The following ALK variants were observed in gnomAD, a reference collection of about 807,000 sequenced individuals.
The protein encoded by ALK is ALK tyrosine kinase receptor.
Under a neutral mutation model 163.1 loss-of-function variants are expected in ALK, and 74 were observed. That is an observed-to-expected ratio of 0.45 (90% CI 0.38 to 0.55). ALK has a LOEUF of 0.55. Among genes scored for constraint, ALK ranks in the 20% least tolerant of loss-of-function variants. The probability of loss-of-function intolerance (pLI) is 0.00; values close to 1 mark genes in which losing one functional copy is unlikely to be tolerated. For synonymous variants in ALK, 960 were observed against 843.2 expected, an observed-to-expected ratio of 1.14 and a Z score of -2.40; for missense variants, 2,063 against 2,105.3, an observed-to-expected ratio of 0.98 and a Z score of 0.39.
chr2:29,578,878 C>G (rs1325033489), intron 3 of ALK, among the ~76,000 whole-genome samples: 1 of 152,216 alleles, frequency 6.6e-6, no homozygotes, highest in African/African-American at 2.4e-5. Flanking sequence ...CTCTTCTCCC[C>G]ACCCCTGGAC....
In ALK at chr2:29,312,723, G is replaced by A. The variant is rs77324066; in HGVS notation, c.1647+5581C>T. 9.7e-3 allele frequency among the ~76,000 whole-genome samples: 1,480 copies of A among 152,296 alleles called. 28 individuals carry two copies. The highest frequency in any genetic ancestry group is 0.033 in the African/African-American group (1,350 of 41,534). ...CATATGCTAGCTTGGGGTCCTGACC[G>A]TGGTCTCCAATGCAGGAAGAGGCGT... On this transcript the variant is annotated intron_variant, in intron 8 of 28. Transcript: ENST00000389048.
intron 3 of ALK, among the ~76,000 whole-genome samples, chr2:29,533,612 A>G (rs932316100): frequency 2.6e-5 from 4 of 152,216 alleles, no homozygotes; most frequent in Non-Finnish European, 5.9e-5. Context: ...TGAGAGGCAC[A>G]TGGACACCAG....
At chr2:29,317,782 T>C (rs1334898694) in intron 8 of ALK, among the ~76,000 whole-genome samples, 1 of 150,172 alleles carries the variant, frequency 6.7e-6, no homozygotes, top group Admixed American at 6.7e-5. Context: ...CTAAAGAATA[T>C]GACTGTATGC....
intron 4 of ALK, among the ~76,000 whole-genome samples, chr2:29,483,656 C>T (rs1332629165): frequency 2.0e-5 from 3 of 152,158 alleles, no homozygotes; most frequent in Admixed American, 6.5e-5. Context: ...CATACCCAAC[C>T]TGGCTTTATC....
intron 1 of ALK, among the ~76,000 whole-genome samples, chr2:29,810,240 G>A (rs554643486): frequency 3.9e-5 from 6 of 152,160 alleles, no homozygotes; most frequent in African/African-American, 1.4e-4. Context: ...TGGCCAACAG[G>A]GTGATACGCC....
At chr2:29,841,121 G>C (rs1665687036) in intron 1 of ALK, among the ~76,000 whole-genome samples, 1 of 151,978 alleles carries the variant, frequency 6.6e-6, no homozygotes, top group African/African-American at 2.4e-5. Context: ...GTTTCTATCA[G>C]TTATAGTAAC....
At position 29,881,360 on chromosome 2, in the gene ALK, A is replaced by G. The variant is rs1277744269; in HGVS notation, c.667+38633T>C. ...CTATAATTAAAACCAGGCTATTATC[A>G]TTAATTATGATCTTCCCTCTTCTGA... On this transcript the variant is annotated intron_variant, in intron 1 of 28. Coordinates refer to ENST00000389048, the MANE Select transcript of ALK (RefSeq NM_004304.5). Among the ~76,000 whole-genome samples the G allele has an allele frequency of 2.6e-5, 4 of 152,186 alleles. No individual in the cohort carries two copies. The East Asian group carries it at 5.8e-4, about 22-fold the overall frequency.
intron 4 of ALK, among the ~76,000 whole-genome samples, chr2:29,406,898 CAAAA>C (rs11397203): frequency 7.5e-6 from 1 of 133,494 alleles, no homozygotes; most frequent in Non-Finnish European, 1.6e-5. Flanking sequence ...GACTCCATCT[CAAAA>C]AAAAAAAAAA....
rs1035096320 is a variant in ALK, at chr2:29,580,162, GA to G, written c.953-48047del. Among the ~76,000 whole-genome samples, 9 of 151,852 alleles carry G rather than the reference GA, an allele frequency of 5.9e-5. 1 individual carries two copies. Among genetic ancestry groups the G allele is most frequent in the African/African-American group, 2.2e-4 (9 of 41,386 alleles). On this transcript the variant is annotated intron_variant, in intron 3 of 28. Transcript: ENST00000389048. ...ACATGATTCTTATATTAAGCCACAG[GA>G]AAAAAAATCCAATTTGTTTTTTATG...
intron 1 of ALK, among the ~76,000 whole-genome samples, chr2:29,868,754 C>A (rs749509032): frequency 2.0e-4 from 30 of 152,210 alleles, no homozygotes; most frequent in Non-Finnish European, 2.4e-4. Flanking sequence ...TGTAATGGGA[C>A]TTTGACATTC....
intron 1 of ALK, among the ~76,000 whole-genome samples, chr2:29,906,000 G>C (rs570467948): frequency 3.9e-4 from 59 of 152,288 alleles, no homozygotes; most frequent in Non-Finnish European, 6.8e-4. Context: ...CCTGCCTGCA[G>C]TTCTGCCCAT....
At chr2:29,726,402 A>G (rs1244113160) in intron 1 of ALK, among the ~76,000 whole-genome samples, 3 of 152,218 alleles carry the variant, frequency 2.0e-5, no homozygotes, top group African/African-American at 7.2e-5. Context: ...CTAAATAATT[A>G]ATATACTGAA....
intron 8 of ALK, among the ~76,000 whole-genome samples, chr2:29,315,180 A>C (rs555911792): frequency 6.6e-6 from 1 of 152,276 alleles, no homozygotes; most frequent in Admixed American, 6.5e-5. Context: ...AGAGGTCTTT[A>C]AATATTCATG....
intron 4 of ALK, among the ~76,000 whole-genome samples, chr2:29,475,946 G>A (rs1175633796): frequency 1.3e-5 from 2 of 152,232 alleles, no homozygotes; most frequent in Non-Finnish European, 1.5e-5. Context: ...CAACTGCAAT[G>A]AAGTGAAAGT....
chr2:29,267,943 A>G (rs949207214), intron 11 of ALK, among the ~76,000 whole-genome samples: 2 of 152,178 alleles, frequency 1.3e-5, no homozygotes, highest in African/African-American at 4.8e-5. Context: ...AAGCTAAATG[A>G]TCTTAATCAA....
At chr2:29,915,952 C>T (rs1667822446) in intron 1 of ALK, among the ~76,000 whole-genome samples, 1 of 152,208 alleles carries the variant, frequency 6.6e-6, no homozygotes, top group East Asian at 1.9e-4. Flanking sequence ...TTAAGTGCTT[C>T]TCACCAACTT....
chr2:29,496,209 T>C (rs62129127), intron 4 of ALK, among the ~76,000 whole-genome samples: 1 of 152,256 alleles, frequency 6.6e-6, no homozygotes, highest in Non-Finnish European at 1.5e-5. Context: ...GAATGTAGGA[T>C]AGCATATGCT....
At chr2:29,626,060 A>G (rs1676185350) in intron 3 of ALK, among the ~76,000 whole-genome samples, 1 of 152,266 alleles carries the variant, frequency 6.6e-6, no homozygotes, top group Admixed American at 6.5e-5. Context: ...GAGAAGCCAC[A>G]CAGGGCTCTA....
At chr2:29,681,771 C>A (rs551708364) in intron 3 of ALK, among the ~76,000 whole-genome samples, 18 of 151,190 alleles carry the variant, frequency 1.2e-4, no homozygotes, top group East Asian at 5.9e-4. Flanking sequence ...CCCTTCCCCC[C>A]CTCAACCTCA....
Sources: gnomAD v4.1 joint callset for allele counts (sites outside exome capture counted in the v4.1 genomes callset) on GRCh38, gnomAD v4.1.1 for gene constraint, MANE v1.5 for transcripts, NCBI Gene and HGNC (gene_info 2026-07-23, HGNC 2026-07-21) for gene names.